Variants in STARD13 observed in about 807,000 individuals in gnomAD.
STARD13 encodes the protein StAR related lipid transfer domain containing 13.
In STARD13, 62 loss-of-function variants were observed where a neutral mutation model predicts 106.4. The ratio of observed to expected loss-of-function variants is 0.58; its 90% CI spans 0.48 to 0.72. The LOEUF (loss-of-function observed/expected upper bound fraction) is 0.72. Among genes scored for constraint, STARD13 ranks in the 30% least tolerant of loss-of-function variants. The pLI is 0.00. For synonymous variants in STARD13, 565 were observed against 553.0 expected, an observed-to-expected ratio of 1.02 and a Z score of -0.31; for missense variants, 1,387 against 1,424.0, an observed-to-expected ratio of 0.97 and a Z score of 0.42.
At chr13:33,327,089 A>G (rs1332059984) in intron 1 of STARD13, among the ~76,000 whole-genome samples, 1 of 152,248 alleles carries the variant, frequency 6.6e-6, no homozygotes, top group Non-Finnish European at 1.5e-5. Flanking sequence ...ATTTCCCTTG[A>G]GAAAAATGGT....
At chr13:33,666,295 T>G in the STARD13 span, among the ~76,000 whole-genome samples, 2 of 152,206 alleles carry the variant, frequency 1.3e-5, no homozygotes, top group South Asian at 4.1e-4. Flanking sequence ...TTTTTTTTGT[T>G]GTTTTTGGTT....
chr13:33,309,080 G>T (rs1300320257), intron 1 of STARD13, among the ~76,000 whole-genome samples: 8 of 152,206 alleles, frequency 5.3e-5, no homozygotes, highest in Admixed American at 5.2e-4. Context: ...ACTGACCTCA[G>T]ATTAGCAATT....
At chr13:33,489,652 G>A in the STARD13 span, among the ~76,000 whole-genome samples, 1 of 152,200 alleles carries the variant, frequency 6.6e-6, no homozygotes, top group African/African-American at 2.4e-5. Context: ...TGGAAAGTAT[G>A]AAGTAATTTA....
At chr13:33,593,981 A>G in the STARD13 span, among the ~76,000 whole-genome samples, 1 of 152,052 alleles carries the variant, frequency 6.6e-6, no homozygotes, top group South Asian at 2.1e-4. Flanking sequence ...ATCTCGACTC[A>G]CTGCAAGCTC....
chr13:33,211,759 C>T (rs11842305), intron 1 of STARD13, among the ~76,000 whole-genome samples: 3,855 of 151,880 alleles, frequency 0.025, 155 homozygotes, highest in African/African-American at 0.085. Context: ...TTTCAATTCC[C>T]GGTTGAATCT....
At chr13:33,125,376 G>T (rs1271041573) in intron 7 of STARD13, among the ~76,000 whole-genome samples, 1 of 152,040 alleles carries the variant, frequency 6.6e-6, no homozygotes, top group Non-Finnish European at 1.5e-5. Context: ...GAAGCTAATG[G>T]GTGTTAATTT....
At chr13:33,432,209 C>A in the STARD13 span, among the ~76,000 whole-genome samples, 1 of 152,202 alleles carries the variant, frequency 6.6e-6, no homozygotes, top group South Asian at 2.1e-4. Context: ...GACCCACAGT[C>A]ACTCGCGAGC....
the STARD13 span, among the ~76,000 whole-genome samples, chr13:33,586,253 T>C: frequency 2.0e-4 from 30 of 152,168 alleles, no homozygotes; most frequent in Non-Finnish European, 4.3e-4. Context: ...CTAGTTAGTA[T>C]GGCAGAGCTA....
the STARD13 span, among the ~76,000 whole-genome samples, chr13:33,490,213 T>C: frequency 2.0e-3 from 306 of 152,238 alleles, 1 homozygote; most frequent in African/African-American, 7.0e-3. Flanking sequence ...TAATTTGAAA[T>C]AGCAAATTGA....
chr13:33,301,497 C>T (rs899747778), intron 1 of STARD13, among the ~76,000 whole-genome samples: 3 of 151,886 alleles, frequency 2.0e-5, no homozygotes, highest in African/African-American at 7.3e-5. Context: ...TGCTGGTATA[C>T]ACCAAATGCC....
At chr13:33,235,888 T>A (rs1889164107) in intron 1 of STARD13, among the ~76,000 whole-genome samples, 1 of 152,224 alleles carries the variant, frequency 6.6e-6, no homozygotes, top group African/African-American at 2.4e-5. Context: ...GAGCAGCAGG[T>A]GTGCTTGGGC....
intron 1 of STARD13, among the ~76,000 whole-genome samples, chr13:33,178,467 T>C (rs1232298358): frequency 6.6e-6 from 1 of 152,242 alleles, no homozygotes; most frequent in Non-Finnish European, 1.5e-5. Flanking sequence ...TCATGTTATT[T>C]CACATTCTGG....
chr13:33,577,510 A>G, the STARD13 span, among the ~76,000 whole-genome samples: 2 of 152,188 alleles, frequency 1.3e-5, no homozygotes, highest in Admixed American at 1.3e-4. Context: ...AAAGCTACTC[A>G]GTAATAGGAG....
chr13:33,366,855 C>A, the STARD13 span, among the ~76,000 whole-genome samples: 5 of 152,190 alleles, frequency 3.3e-5, no homozygotes, highest in Non-Finnish European at 7.3e-5. This position sits in a 1 kb window ranked among gnomAD's most constrained non-coding sequence, Gnocchi z 4.2. Flanking sequence ...ATGTGATAGG[C>A]CGGATATTAT....
the STARD13 span, among the ~76,000 whole-genome samples, chr13:33,657,158 T>C: frequency 6.6e-6 from 1 of 152,102 alleles, no homozygotes; most frequent in Non-Finnish European, 1.5e-5. Flanking sequence ...TAGTCCCAGC[T>C]ACTCGGGAGG....
the STARD13 span, among the ~76,000 whole-genome samples, chr13:33,582,245 A>G: frequency 2.0e-5 from 3 of 151,734 alleles, no homozygotes; most frequent in Admixed American, 2.0e-4. Context: ...AAAAAAGATG[A>G]AAAAGGCTAA....
chr13:33,487,588 A>T, the STARD13 span, among the ~76,000 whole-genome samples: 1 of 152,180 alleles, frequency 6.6e-6, no homozygotes, highest in African/African-American at 2.4e-5. Flanking sequence ...TGAGAGTTTC[A>T]TGAGATCCCG....
the STARD13 span, among the ~76,000 whole-genome samples, chr13:33,670,489 G>T: frequency 2.0e-5 from 3 of 152,286 alleles, no homozygotes; most frequent in Admixed American, 6.5e-5. Flanking sequence ...ATGAGGGCTT[G>T]TGCACTTATG....
chr13:33,404,309 T>C, the STARD13 span, among the ~76,000 whole-genome samples: 1 of 152,236 alleles, frequency 6.6e-6, no homozygotes, highest in Admixed American at 6.5e-5. Context: ...TTAAAGTCTT[T>C]TTTTAACAGG....
Sources: gnomAD v4.1 joint callset for allele counts (sites outside exome capture counted in the v4.1 genomes callset) on GRCh38, gnomAD v4.1.1 for gene constraint, Gnocchi (gnomAD v3.1) non-coding constraint, MANE v1.5 for transcripts, NCBI Gene and HGNC (gene_info 2026-07-23, HGNC 2026-07-21) for gene names.